SLC38A8: variants seen among roughly 807,000 people sequenced by gnomAD.
SLC38A8 encodes amino acid transporter SLC38A8.
Under a neutral mutation model 46.0 loss-of-function variants are expected in SLC38A8, and 65 were observed. That is an observed-to-expected ratio of 1.41 (90% confidence interval 1.16 to 1.74). SLC38A8 has a LOEUF of 1.74. Ranked by LOEUF, SLC38A8 falls within the 40% of genes most tolerant of loss-of-function variation. The pLI, the probability that SLC38A8 is intolerant of heterozygous loss-of-function variation, is 0.00. For synonymous variants in SLC38A8, 447 were observed against 243.7 expected (o/e 1.83, Z -7.77); for missense variants, 998 against 567.9 (o/e 1.76, Z -7.70).
At chr16:84,029,676 T>G in intron 5 of SLC38A8, 125 bp from the exon 6 acceptor site, 1 of 941,626 alleles carries the variant, frequency 1.1e-6, no homozygotes, top group South Asian at 1.5e-5. Context: ...AGATGTATTT[T>G]TAATGACTGT....
rs1236874319 is a variant in SLC38A8 at position 84,016,881 on chromosome 16, T to G, written c.954-154A>C. ...ATTCCCCAGGAGACCTTGCCAACCC[T>G]CAGGGGTTCTGCCACCATCGGGCAG... On this transcript the variant is annotated intron_variant, in intron 8 of 10. Transcript: ENST00000299709. 4.8e-6 allele frequency: 5 copies of G among 1,038,080 alleles called. No individual in the cohort carries two copies. The African/African-American group carries it at 4.8e-5, about 10-fold the overall frequency. The allele number at this position is 1,038,080 out of a possible 1,614,324, so 64.3% of individuals were successfully genotyped here. A position where few individuals can be genotyped will look rare whatever the true frequency, so the allele number is the denominator to read the frequency against.
At chr16:84,025,838 C>G (rs1337170057) in intron 6 of SLC38A8, among the ~76,000 whole-genome samples, 1 of 152,250 alleles carries the variant, frequency 6.6e-6, no homozygotes, top group Admixed American at 6.5e-5. Context: ...GCGCGTTGAC[C>G]TCAGGCACCG....
chr16:84,017,084 A>G, intron 8 of SLC38A8, 56 bp downstream of exon 8: 6 of 1,601,944 alleles, frequency 3.7e-6, no homozygotes, highest in Non-Finnish European at 5.1e-6. Context: ...ATGCTCAATC[A>G]CAGCACACAT....
At chr16:84,013,587 C>T (rs373895505) in intron 9 of SLC38A8, among the ~76,000 whole-genome samples, 2 of 151,816 alleles carry the variant, frequency 1.3e-5, no homozygotes, top group East Asian at 1.9e-4. Context: ...CGTGCCACCA[C>T]ACCCCGCTCA....
chr16:84,013,276 C>T (rs1301000414), intron 9 of SLC38A8, among the ~76,000 whole-genome samples: 3 of 152,228 alleles, frequency 2.0e-5, no homozygotes, highest in East Asian at 1.9e-4. Flanking sequence ...TGGCAGCAAC[C>T]GACTTCCCAG....
intron 10 of SLC38A8, among the ~76,000 whole-genome samples, chr16:84,011,166 G>A (rs2084948615): frequency 9.2e-5 from 14 of 152,348 alleles, no homozygotes; most frequent in Admixed American, 8.5e-4. Context: ...GGACTGTGAG[G>A]CTAATGTGCC....
At chr16:84,013,427 T>TTTTTTTTTTGTTG (rs2084979561) in intron 9 of SLC38A8, among the ~76,000 whole-genome samples, 2 of 96,920 alleles carry the variant, frequency 2.1e-5, no homozygotes, top group Non-Finnish European at 3.9e-5. Flanking sequence ...TGTGTGTGTT[T>TTTTTTTTTTGTTG]TTTTTTTTTT....
chr16:84,029,365 AG>A, intron 6 of SLC38A8, 128 bp downstream of exon 6: 2 of 883,722 alleles, frequency 2.3e-6, no homozygotes, highest in East Asian at 5.3e-5. Flanking sequence ...GGCGGCACAG[AG>A]CCCACTGTAT....
chr16:84,031,500 G>C (rs894845856), intron 5 of SLC38A8, among the ~76,000 whole-genome samples: 2 of 152,194 alleles, frequency 1.3e-5, no homozygotes, highest in Non-Finnish European at 2.9e-5. Context: ...GTTCCGGCTG[G>C]CTTGGCCACA....
At chr16:84,020,568 G>C (rs1448789454) in intron 7 of SLC38A8, among the ~76,000 whole-genome samples, 1 of 152,182 alleles carries the variant, frequency 6.6e-6, no homozygotes, top group East Asian at 1.9e-4. Context: ...ATACCTTCTG[G>C]GGCTGCAGCA....
intron 6 of SLC38A8, among the ~76,000 whole-genome samples, chr16:84,024,114 A>C (rs989636205): frequency 5.3e-5 from 8 of 152,108 alleles, no homozygotes; most frequent in African/African-American, 1.7e-4. Flanking sequence ...CCCTCCCCCA[A>C]GTTGTGACAA....
At chr16:84,035,399 A>AAC (rs2085289791) in intron 3 of SLC38A8, among the ~76,000 whole-genome samples, 1 of 152,192 alleles carries the variant, frequency 6.6e-6, no homozygotes, top group Admixed American at 6.5e-5. Context: ...AGACACACAG[A>AAC]ACACACACAT....
At chr16:84,009,972 G>A in intron 10 of SLC38A8, 95 bp from the exon 11 acceptor site, 1 of 951,868 alleles carries the variant, frequency 1.1e-6, no homozygotes, top group East Asian at 2.8e-5. Context: ...AGCCCAGTAT[G>A]GAGTCATCAA....
chr16:84,009,979 T>C (rs2084935625), intron 10 of SLC38A8, 102 bp from the exon 11 acceptor site: 5 of 869,030 alleles, frequency 5.8e-6, no homozygotes, highest in South Asian at 4.9e-5. Context: ...TATGGAGTCA[T>C]CAATTTGGAA....
Position 84,015,574 on chromosome 16 carries a change from C to T in SLC38A8, c.1162+945G>A, listed in dbSNP as rs535425811. On this transcript the variant is annotated intron_variant, in intron 9 of 10. Transcript: ENST00000299709. Reference sequence around the variant, plus strand: ...CCCTGCTGCATACTAGCTGTGCCCCCGGCGGGGGTTCAGGGCCTCGGTCTT... The same window carrying T: ...CCCTGCTGCATACTAGCTGTGCCCCTGGCGGGGGTTCAGGGCCTCGGTCTT... 0.035 allele frequency among the ~76,000 whole-genome samples: 23 copies of T among 650 alleles called. No individual in the cohort carries two copies. In the South Asian group the frequency reaches 0.5, roughly 14 times the overall value. 0.4% of individuals were successfully genotyped at this position (650 alleles called of 152,430 possible).
At position 84,042,124 on chromosome 16, in the gene SLC38A8, G is replaced by A. The variant is rs780388997; in HGVS notation, c.34C>T (p.Pro12Ser). 19 of 1,613,474 alleles carry A rather than the reference G, an allele frequency of 1.2e-5. No individual in the cohort carries two copies. Among genetic ancestry groups the A allele is most frequent in the Admixed American group, 3.3e-5 (2 of 59,908 alleles). The change falls in exon 2 of 11, where the codon CCA becomes TCA. Residue 12 changes from proline to serine, a missense_variant. Coordinates refer to ENST00000299709, the MANE Select transcript of SLC38A8 (RefSeq NM_001080442.3). ...EGQTPGSRGL[P>S]EKPHPATAAA... ...GCCGTGGCAGGGTGAGGCTTTTCTGGAAGGCCCCTGCTTCCTGGGGTCTGT... is the reference window on the plus strand; with the variant it reads ...GCCGTGGCAGGGTGAGGCTTTTCTGAAAGGCCCCTGCTTCCTGGGGTCTGT...
At chr16:84,038,205 G>A (rs1477199737) in intron 2 of SLC38A8, among the ~76,000 whole-genome samples, 2 of 151,864 alleles carry the variant, frequency 1.3e-5, no homozygotes, top group African/African-American at 4.8e-5. Flanking sequence ...CAGCTACTTG[G>A]GAGGCTGACG....
intron 6 of SLC38A8, among the ~76,000 whole-genome samples, chr16:84,026,360 G>A (rs1008530223): frequency 4.6e-5 from 7 of 152,206 alleles, no homozygotes; most frequent in African/African-American, 1.7e-4. Flanking sequence ...CCAAGTAGCT[G>A]GGATTACAGG....
chr16:84,036,718 C>G lies in SLC38A8; in HGVS notation c.372G>C (p.Gly124=), dbSNP rs1175866040. 1 of 1,614,190 alleles carries G rather than the reference C, an allele frequency of 6.2e-7. No homozygotes were observed. Among genetic ancestry groups the G allele is most frequent in the South Asian group, 1.1e-5 (1 of 91,086 alleles). The change falls in exon 3 of 11, where the codon GGG becomes GGC. Residue 124 remains glycine (G), a synonymous_variant. Transcript: ENST00000299709. ...GGTACTTACGCTTCTCCAGCTGGTC[C>G]CCGATCACCCTGAGGAAGGCCACGG... The part of the protein sequence containing the change: ...MISVAFLRVI[G]DQLEKLCDSL...
Sources: gnomAD v4.1 joint callset for allele counts (sites outside exome capture counted in the v4.1 genomes callset) on GRCh38, gnomAD v4.1.1 for gene constraint, MANE v1.5 for transcripts, NCBI Gene and HGNC (gene_info 2026-07-23, HGNC 2026-07-21) for gene names.